ADGRB3: variants seen among roughly 807,000 people sequenced by gnomAD.
ADGRB3 encodes adhesion G protein-coupled receptor B3, also known as brain-specific angiogenesis inhibitor 3.
In ADGRB3, 37 loss-of-function variants were observed where a neutral mutation model predicts 193.4. The ratio of observed to expected loss-of-function variants is 0.19; its 90% confidence interval spans 0.15 to 0.25. ADGRB3 has a LOEUF of 0.25. Among genes scored for constraint, ADGRB3 ranks in the 10% least tolerant of loss-of-function variants. ADGRB3 has a pLI of 1.00. For missense variants in ADGRB3, 1,637 were observed against 1,852.9 expected, an observed-to-expected ratio of 0.88 and a Z score of 2.14; for synonymous variants, 690 against 644.2, an observed-to-expected ratio of 1.07 and a Z score of -1.08.
chr6:69,207,360 A>G (rs564714908), intron 17 of ADGRB3, among the ~76,000 whole-genome samples: 2 of 152,360 alleles, frequency 1.3e-5, no homozygotes, highest in Admixed American at 1.3e-4. Context: ...TAAATGTGCC[A>G]GAGTAACAAA....
chr6:68,987,529 C>T lies in ADGRB3; in HGVS notation c.1735-6239C>T, dbSNP rs188271585. ...AAATATTCTGGACAGATTAAACATA[C>T]GAACACATTTAAATATTGTCAAAAT... On this transcript the variant is annotated intron_variant, in intron 10 of 31. Transcript: ENST00000370598. Among the ~76,000 whole-genome samples the T allele has an allele frequency of 3.8e-3, 580 of 152,134 alleles. 7 individuals carry two copies. The highest frequency in any genetic ancestry group is 5.1e-3 in the Non-Finnish European group (344 of 67,964).
intron 3 of ADGRB3, among the ~76,000 whole-genome samples, chr6:68,770,857 C>G (rs556911627): frequency 3.3e-5 from 5 of 152,188 alleles, no homozygotes; most frequent in African/African-American, 1.2e-4. Context: ...ACTGCACATC[C>G]TTAATCTTTT....
chr6:69,070,945 A>G (rs1187450383), intron 16 of ADGRB3, among the ~76,000 whole-genome samples: 1 of 152,212 alleles, frequency 6.6e-6, no homozygotes, highest in Non-Finnish European at 1.5e-5. Context: ...AATCTTGCTG[A>G]TGAAGCTTTC....
At chr6:69,182,601 C>G (rs1202861772) in intron 17 of ADGRB3, among the ~76,000 whole-genome samples, 2 of 151,824 alleles carry the variant, frequency 1.3e-5, no homozygotes, top group East Asian at 3.9e-4. Flanking sequence ...TTATTTTTTC[C>G]CTTATTTTTT....
intron 17 of ADGRB3, among the ~76,000 whole-genome samples, chr6:69,226,878 T>C (rs911409664): frequency 6.6e-6 from 1 of 152,206 alleles, no homozygotes; most frequent in Admixed American, 6.5e-5. Flanking sequence ...TTCAAGATGA[T>C]AAGAGTGGAC....
At position 68,846,928 on chromosome 6, in the gene ADGRB3, A is replaced by G. The variant is rs1006954267; in HGVS notation, c.758-83631A>G. Among the ~76,000 whole-genome samples the G allele has an allele frequency of 2.0e-4, 31 of 152,276 alleles. No individual in the cohort carries two copies. The South Asian group carries it at 5.2e-3, about 25-fold the overall frequency. ...CACCTAGAAAAGCCACAGACACTCA[A>G]TGCCAGCCTGTGAAAGCAGACAGGA... is the stretch of plus-strand genomic sequence containing the variant. On this transcript the variant is annotated intron_variant, in intron 3 of 31. Transcript: ENST00000370598.
At chr6:69,169,586 A>G (rs58397955) in intron 17 of ADGRB3, among the ~76,000 whole-genome samples, 21,334 of 150,608 alleles carry the variant, frequency 0.14, 1,571 homozygotes, top group Middle Eastern at 0.16. Context: ...TATAAATTAA[A>G]TGATATAATT....
intron 11 of ADGRB3, among the ~76,000 whole-genome samples, chr6:69,001,090 T>C (rs1769564280): frequency 6.6e-6 from 1 of 152,206 alleles, no homozygotes; most frequent in Non-Finnish European, 1.5e-5. Context: ...GATATAAGTA[T>C]AGCATGTTCC....
At chr6:69,106,179 A>AAAGAAAAG (rs377553245) in intron 17 of ADGRB3, among the ~76,000 whole-genome samples, 1 of 140,822 alleles carries the variant, frequency 7.1e-6, no homozygotes, top group Non-Finnish European at 1.5e-5. Context: ...AAAAAAAAAA[A>AAAGAAAAG]AAAAGAAAAG....
intron 20 of ADGRB3, among the ~76,000 whole-genome samples, chr6:69,316,171 GTAAA>G (rs1768306007): frequency 6.6e-6 from 1 of 151,228 alleles, no homozygotes; most frequent in Non-Finnish European, 1.5e-5. Context: ...TGGAAATAAA[GTAAA>G]TATAGTATTA....
intron 15 of ADGRB3, among the ~76,000 whole-genome samples, chr6:69,062,292 A>T (rs984765174): frequency 1.2e-4 from 18 of 151,986 alleles, no homozygotes; most frequent in Admixed American, 6.6e-5. Flanking sequence ...TTTTCTTAAA[A>T]TAACTTAAAC....
intron 3 of ADGRB3, among the ~76,000 whole-genome samples, chr6:68,908,126 A>G (rs1262817496): frequency 6.6e-6 from 1 of 151,952 alleles, no homozygotes; most frequent in East Asian, 1.9e-4. Flanking sequence ...TTAATTAACT[A>G]TTGCTGTCTT....
At chr6:69,360,595 G>T (rs1014232069) in intron 28 of ADGRB3, among the ~76,000 whole-genome samples, 1 of 151,856 alleles carries the variant, frequency 6.6e-6, no homozygotes, top group Non-Finnish European at 1.5e-5. Context: ...TAAGGACAGG[G>T]TACTAAGATT....
At chr6:69,340,745 C>T (rs1768956493) in intron 26 of ADGRB3, among the ~76,000 whole-genome samples, 1 of 152,120 alleles carries the variant, frequency 6.6e-6, no homozygotes, top group Non-Finnish European at 1.5e-5. Context: ...AGGTATTTCT[C>T]CTAATGCCAT....
At chr6:69,087,296 A>C (rs142926513) in intron 17 of ADGRB3, among the ~76,000 whole-genome samples, 3 of 152,340 alleles carry the variant, frequency 2.0e-5, no homozygotes, top group Admixed American at 2.0e-4. Flanking sequence ...CTTAATCTAG[A>C]AACACATGGA....
intron 6 of ADGRB3, among the ~76,000 whole-genome samples, chr6:68,955,643 A>G (rs1180878964): frequency 6.6e-6 from 1 of 151,994 alleles, no homozygotes; most frequent in African/African-American, 2.4e-5. Flanking sequence ...TACAAAAATT[A>G]TTTTGGGGTG....
chr6:69,126,544 G>A (rs905580866), intron 17 of ADGRB3, among the ~76,000 whole-genome samples: 1 of 152,072 alleles, frequency 6.6e-6, no homozygotes, highest in African/African-American at 2.4e-5. Flanking sequence ...AGAGAAGACG[G>A]GTGTCCCATC....
intron 17 of ADGRB3, among the ~76,000 whole-genome samples, chr6:69,168,982 T>C (rs186987750): frequency 1.3e-5 from 2 of 152,216 alleles, no homozygotes; most frequent in Admixed American, 6.5e-5. Flanking sequence ...CCATAAAAAT[T>C]TGATGTGTTT....
Position 68,637,563 on chromosome 6 carries a change from G to A in ADGRB3, c.-16+1G>A, listed in dbSNP as rs1365129021. ...TATTTTTGGATAACAACTTACAGAGGTAAATATAACCAAGGACTACTTTAT... is the reference window on the plus strand; with the variant it reads ...TATTTTTGGATAACAACTTACAGAGATAAATATAACCAAGGACTACTTTAT... On this transcript the variant is annotated splice_donor_variant, in intron 2 of 31. Transcript: ENST00000370598. LOFTEE classifies it low-confidence loss of function (5UTR_SPLICE). 6.6e-6 allele frequency: 1 copy of A among 152,530 alleles called. No homozygotes were observed. The highest frequency in any genetic ancestry group is 1.5e-5 in the Non-Finnish European group (1 of 68,018). The allele number at this position is 152,530 out of a possible 1,614,324, so 9.4% of individuals were successfully genotyped here.
Sources: gnomAD v4.1 joint callset for allele counts (sites outside exome capture counted in the v4.1 genomes callset) on GRCh38, gnomAD v4.1.1 for gene constraint, MANE v1.5 for transcripts, NCBI Gene and HGNC (gene_info 2026-07-23, HGNC 2026-07-21) for gene names.